The following HRH1 variants were observed in gnomAD, a reference collection of about 807,000 sequenced individuals.
The protein encoded by HRH1 is histamine receptor H1, also known as histamine H1 receptor.
HRH1 carries 6 observed loss-of-function variants against 10.3 expected under a neutral mutation model. The ratio of observed to expected loss-of-function variants is 0.58; its 90% CI spans 0.32 to 1.15. The LOEUF (loss-of-function observed/expected upper bound fraction) is 1.15, where lower values mean the gene tolerates loss of function less well. Ranked by LOEUF, HRH1 falls within the 50% of genes most tolerant of loss-of-function variation. The pLI is 0.05. For missense variants in HRH1, 514 were observed against 615.3 expected, an observed-to-expected ratio of 0.84 and a Z score of 1.74; for synonymous variants, 242 against 236.7, an observed-to-expected ratio of 1.02 and a Z score of -0.21.
chr3:11,157,935 G>C (rs751315197), intron 1 of HRH1, among the ~76,000 whole-genome samples: 1 of 152,300 alleles, frequency 6.6e-6, no homozygotes, highest in East Asian at 1.9e-4. Context: ...GTGATTTCTG[G>C]CTGTCTTTCC....
chr3:11,215,277 T>G (rs553909561), intron 1 of HRH1, among the ~76,000 whole-genome samples: 13 of 152,370 alleles, frequency 8.5e-5, no homozygotes, highest in Admixed American at 2.6e-4. Flanking sequence ...TTGTGTCATG[T>G]GTAATTCATT....
At chr3:11,182,732 C>T (rs1262386975) in intron 1 of HRH1, among the ~76,000 whole-genome samples, 1 of 152,116 alleles carries the variant, frequency 6.6e-6, no homozygotes, top group African/African-American at 2.4e-5. Context: ...AGCATCCTGC[C>T]CGTATCCTGT....
intron 1 of HRH1, among the ~76,000 whole-genome samples, chr3:11,177,426 A>C (rs1330749159): frequency 6.6e-6 from 1 of 152,148 alleles, no homozygotes; most frequent in African/African-American, 2.4e-5. Context: ...CACTTCCCTC[A>C]TTCTTTTGCT....
Position 11,235,390 on chromosome 3 carries a change from A to G in HRH1, c.-35-23613A>G, listed in dbSNP as rs985546558. On this transcript the variant is annotated intron_variant, in intron 1 of 1. Coordinates refer to ENST00000431010, the MANE Select transcript of HRH1 (RefSeq NM_001098212.2). ...AGAGGAAGCCGGAGGACACACGGGG[A>G]GAGTATGCTGCCTCATTACTTCCAG... Among the ~76,000 whole-genome samples, 6 of 81,642 alleles carry G rather than the reference A, an allele frequency of 7.3e-5. No individual in the cohort carries two copies. In the South Asian group the frequency reaches 2.1e-3, roughly 28 times the overall value. The allele number at this position is 81,642 out of a possible 152,430, so 53.6% of individuals were successfully genotyped here.
intron 1 of HRH1, among the ~76,000 whole-genome samples, chr3:11,247,317 A>G (rs1050166842): frequency 2.6e-4 from 40 of 152,226 alleles, no homozygotes; most frequent in Non-Finnish European, 2.9e-4. Flanking sequence ...AAAATTCCTC[A>G]GCAAGGCAAA....
intron 1 of HRH1, among the ~76,000 whole-genome samples, chr3:11,211,928 C>G (rs971846710): frequency 1.3e-5 from 2 of 152,140 alleles, no homozygotes; most frequent in African/African-American, 4.8e-5. Flanking sequence ...GTGCAGTGTC[C>G]GGGCTTCCTC....
chr3:11,196,577 G>C (rs1937659298), intron 1 of HRH1, among the ~76,000 whole-genome samples: 1 of 152,094 alleles, frequency 6.6e-6, no homozygotes, highest in South Asian at 2.1e-4. Flanking sequence ...GGACATGCCT[G>C]TTTACTCACC....
At chr3:11,160,030 C>CTTAA (rs994793583) in intron 1 of HRH1, among the ~76,000 whole-genome samples, 17 of 152,202 alleles carry the variant, frequency 1.1e-4, no homozygotes, top group African/African-American at 4.1e-4. Context: ...AGGGTGAAAC[C>CTTAA]TTAATATCTG....
At chr3:11,143,732 G>C (rs1936341898) in intron 1 of HRH1, among the ~76,000 whole-genome samples, 1 of 152,060 alleles carries the variant, frequency 6.6e-6, no homozygotes, top group African/African-American at 2.4e-5. Context: ...ATTCTCCAGT[G>C]TGGTCAGGCC....
intron 1 of HRH1, among the ~76,000 whole-genome samples, chr3:11,202,548 C>T (rs921153426): frequency 6.6e-6 from 1 of 152,000 alleles, no homozygotes; most frequent in Non-Finnish European, 1.5e-5. Context: ...ACCTCCTGGC[C>T]CCCACCCTCC....
At chr3:11,168,725 G>T (rs1013590457) in intron 1 of HRH1, among the ~76,000 whole-genome samples, 5 of 152,246 alleles carry the variant, frequency 3.3e-5, no homozygotes, top group African/African-American at 1.2e-4. Context: ...TACTCCTGCT[G>T]TGAGGAACCC....
chr3:11,165,548 C>T (rs1224914603), intron 1 of HRH1, among the ~76,000 whole-genome samples: 3 of 152,210 alleles, frequency 2.0e-5, no homozygotes, highest in Admixed American at 6.5e-5. Context: ...CTCTGTAGAT[C>T]GAAGCACAAA....
intron 1 of HRH1, among the ~76,000 whole-genome samples, chr3:11,256,258 G>A (rs974299942): frequency 2.0e-5 from 3 of 151,990 alleles, no homozygotes; most frequent in African/African-American, 7.3e-5. Context: ...CAGAGCTGGA[G>A]GACATCAAAA....
At chr3:11,162,888 A>G (rs17034062) in intron 1 of HRH1, among the ~76,000 whole-genome samples, 27,332 of 152,152 alleles carry the variant, frequency 0.18, 2,936 homozygotes, top group East Asian at 0.29. Flanking sequence ...TAAAATAGAC[A>G]TGACCCTCCT....
At chr3:11,208,934 G>T (rs904023757) in intron 1 of HRH1, among the ~76,000 whole-genome samples, 1 of 152,146 alleles carries the variant, frequency 6.6e-6, no homozygotes, top group African/African-American at 2.4e-5. Context: ...TTGAGTAAAA[G>T]CTACAAAACT....
intron 1 of HRH1, among the ~76,000 whole-genome samples, chr3:11,210,339 A>G (rs957756631): frequency 2.0e-5 from 3 of 152,164 alleles, no homozygotes; most frequent in African/African-American, 7.2e-5. Context: ...GGCTGCCGTG[A>G]ACTATTGAAC....
chr3:11,155,485 C>G (rs1936766995), intron 1 of HRH1, among the ~76,000 whole-genome samples: 1 of 152,174 alleles, frequency 6.6e-6, no homozygotes, highest in Non-Finnish European at 1.5e-5. Context: ...AGCCCCCAGT[C>G]CTCCATGAAG....
At chr3:11,205,895 C>T (rs946823211) in intron 1 of HRH1, among the ~76,000 whole-genome samples, 8 of 152,064 alleles carry the variant, frequency 5.3e-5, no homozygotes, top group African/African-American at 1.9e-4. Flanking sequence ...CTCCTGACCT[C>T]GTGATCCGCC....
intron 1 of HRH1, among the ~76,000 whole-genome samples, chr3:11,174,427 C>G (rs570009378): frequency 6.6e-6 from 1 of 152,274 alleles, no homozygotes; most frequent in East Asian, 1.9e-4. Context: ...CTGATTCCCT[C>G]TGATGGCCAA....
Sources: gnomAD v4.1 joint callset for allele counts (sites outside exome capture counted in the v4.1 genomes callset) on GRCh38, gnomAD v4.1.1 for gene constraint, MANE v1.5 for transcripts, NCBI Gene and HGNC (gene_info 2026-07-23, HGNC 2026-07-21) for gene names.